The following CD68 variants were observed in gnomAD, a reference collection of about 807,000 sequenced individuals.
CD68 encodes macrosialin.
Under a neutral mutation model 31.3 loss-of-function variants are expected in CD68, and 24 were observed. That is an observed-to-expected ratio of 0.77 (90% CI 0.55 to 1.08). The LOEUF is 1.08. Among genes scored for constraint, CD68 ranks in the 50% least tolerant of loss-of-function variants. The pLI is 0.00. For missense variants in CD68, 461 were observed against 442.5 expected (o/e 1.04, Z -0.38); for synonymous variants, 190 against 179.6 (o/e 1.06, Z -0.46).
At position 7,579,899 on chromosome 17, in the gene CD68, G is replaced by A. The variant is rs745427495; in HGVS notation, c.139G>A (p.Gly47Arg). 3 of 1,613,910 alleles carry A rather than the reference G, an allele frequency of 1.9e-6. No homozygotes were observed. Among genetic ancestry groups the A allele is most frequent in the South Asian group, 2.2e-5 (2 of 91,056 alleles). The change falls in exon 2 of 6, where the codon GGA becomes AGA. Residue 47 changes from glycine to arginine, a missense_variant. Gly to Arg is a moderately radical substitution (Grantham distance 125). Coordinates refer to ENST00000250092, the MANE Select transcript of CD68 (RefSeq NM_001251.3). Reference sequence around the variant, plus strand: ...GACACCCACGGTTACAGAGAGCACTGGAACAACCAGCCACAGGACTACCAA... The same window carrying A: ...GACACCCACGGTTACAGAGAGCACTAGAACAACCAGCCACAGGACTACCAA... ...TVTPTVTESTGTTSHRTTKSH... is the reference protein window; with the variant it reads ...TVTPTVTESTRTTSHRTTKSH...
Position 7,580,128 on chromosome 17 carries a change from CA to C in CD68, c.370del (p.Thr124GlnfsTer73). The C allele has an allele frequency of 6.2e-7, 1 of 1,614,156 alleles. No individual in the cohort carries two copies. Among genetic ancestry groups the C allele is most frequent in the Non-Finnish European group, 8.5e-7 (1 of 1,180,026 alleles). ...TTSHGNATVHPTSNSTATSPG... is the reference protein window; with the variant it reads ...TTSHGNATVHXTSNSTATSPG... Reference sequence around the variant, plus strand: ...AGTCATGGAAATGCCACGGTTCATCCAACAAGCAACAGCACTGCCACCAGCC... The same window carrying C: ...AGTCATGGAAATGCCACGGTTCATCCACAAGCAACAGCACTGCCACCAGCC... On this transcript the variant is annotated frameshift_variant, in exon 2 of 6. Transcript: ENST00000250092. LOFTEE classifies it high-confidence loss of function. The surrounding 1 kb of genome is among the most constrained non-coding windows in gnomAD (Gnocchi z 4.3).
In CD68 at chr17:7,582,079, C is replaced by T; in HGVS notation, c.*568C>T. 2.6e-6 allele frequency: 1 copy of T among 381,972 alleles called. No homozygotes were observed. Among genetic ancestry groups the T allele is most frequent in the Non-Finnish European group, 3.4e-6 (1 of 297,890 alleles). The allele number at this position is 381,972 out of a possible 1,614,324, so 23.7% of individuals were successfully genotyped here. A position where few individuals can be genotyped will look rare whatever the true frequency, so the allele number is the denominator to read the frequency against. ...AATCTTTGACGGGGTTTTCCTTGTC[C>T]TGCCAGGATTAAAAGCCATGAGTTT... is the stretch of plus-strand genomic sequence containing the variant. On this transcript the variant is annotated 3_prime_UTR_variant, in exon 6 of 6. Transcript: ENST00000250092.
At position 7,580,907 on chromosome 17, in the gene CD68, T is replaced by A. The variant is rs1322513039; in HGVS notation, c.772T>A (p.Ser258Thr). Residue 258 changes from serine (S) to threonine (T), a missense_variant, in exon 5 of 6, where the codon TCG (serine) becomes ACG (threonine). Transcript: ENST00000250092. The surrounding 1 kb of genome is among the most constrained non-coding windows in gnomAD (Gnocchi z 4.3). ...SFPHAAQWTFSAQNASLRDLQ... is the reference protein window; with the variant it reads ...SFPHAAQWTFTAQNASLRDLQ... ...CCTCACTCCTCCAGAGTGGACATTCTCGGCTCAGAATGCATCCCTTCGAGA... is the reference window on the plus strand; with the variant it reads ...CCTCACTCCTCCAGAGTGGACATTCACGGCTCAGAATGCATCCCTTCGAGA... 1 of 1,613,952 alleles carries A rather than the reference T, an allele frequency of 6.2e-7. No individual in the cohort carries two copies. The highest frequency in any genetic ancestry group is 8.5e-7 in the Non-Finnish European group (1 of 1,179,964).
Position 7,580,095 on chromosome 17 carries a change from C to T in CD68, c.335C>T (p.Ala112Val). Reference sequence around the variant, plus strand: ...CCCTCAACTGCCACTCACAGTCCTGCCACCACTAGTCATGGAAATGCCACG... The same window carrying T: ...CCCTCAACTGCCACTCACAGTCCTGTCACCACTAGTCATGGAAATGCCACG... ...QGPSTATHSP[A>V]TTSHGNATVH... Residue 112 changes from alanine to valine, a missense_variant, in exon 2 of 6, where the codon GCC becomes GTC. Coordinates refer to ENST00000250092, the MANE Select transcript of CD68 (RefSeq NM_001251.3). This position sits in a 1 kb window ranked among gnomAD's most constrained non-coding sequence, Gnocchi z 4.3. 6.2e-7 allele frequency: 1 copy of T among 1,614,112 alleles called. No individual in the cohort carries two copies.
In CD68 at chr17:7,580,221, A is replaced by G; in HGVS notation, c.461A>G (p.Lys154Arg). The change falls in exon 2 of 6, where the codon AAG becomes AGG. Residue 154 changes from lysine (K) to arginine (R), a missense_variant. Coordinates refer to ENST00000250092, the MANE Select transcript of CD68 (RefSeq NM_001251.3). This position sits in a 1 kb window ranked among gnomAD's most constrained non-coding sequence, Gnocchi z 4.3. Reference protein sequence around the residue: ...PPSPSPSPTSKETIGDYTWTN... With the variant: ...PPSPSPSPTSRETIGDYTWTN... ...TCTCCGAGTCCTAGCCCAACCTCCA[A>G]GGAGACCATTGGAGACTACACGTGG... is the stretch of plus-strand genomic sequence containing the variant. The G allele has an allele frequency of 1.2e-6, 2 of 1,613,200 alleles. No individual in the cohort carries two copies. The highest frequency in any genetic ancestry group is 1.7e-6 in the Non-Finnish European group (2 of 1,179,664).
In CD68 at chr17:7,580,342, G is replaced by C; in HGVS notation, c.567+15G>C. 1 of 1,603,548 alleles carries C rather than the reference G, an allele frequency of 6.2e-7. No individual in the cohort carries two copies. The highest frequency in any genetic ancestry group is 1.3e-5 in the African/African-American group (1 of 74,858). ...GTGGAGGAGAGGTAAAGCTAAAACT[G>C]GGGGATGAGAGGGGAGGGAGGCAGG... On this transcript the variant is annotated intron_variant, in intron 2 of 5. Transcript: ENST00000250092. The surrounding 1 kb of genome is among the most constrained non-coding windows in gnomAD (Gnocchi z 4.3).
At chr17:7,581,089 C>G in intron 5 of CD68, 23 bp downstream of exon 5, 1 of 1,600,244 alleles carries the variant, frequency 6.2e-7, no homozygotes, top group Non-Finnish European at 8.5e-7. Context: ...TACTCCTTCC[C>G]TCCTAGAATC....
At position 7,580,759 on chromosome 17, in the gene CD68, A is replaced by G; in HGVS notation, c.736A>G (p.Asn246Asp). 6.2e-7 allele frequency: 1 copy of G among 1,613,978 alleles called. No individual in the cohort carries two copies. The highest frequency in any genetic ancestry group is 8.5e-7 in the Non-Finnish European group (1 of 1,179,992). The change falls in exon 4 of 6, where the codon AAT (asparagine) becomes GAT (aspartate). Residue 246 changes from asparagine (N) to aspartate (D), a missense_variant. By Grantham distance (23) the Asn-to-Asp change is conservative. Transcript: ENST00000250092. This position sits in a 1 kb window ranked among gnomAD's most constrained non-coding sequence, Gnocchi z 4.3. ...CCTGAGCTACATGGCGGTGGAGTAC[A>G]ATGTGTCCTTCCCCCACGCAGCACG... ...VYLSYMAVEY[N>D]VSFPHAAQWT...
rs780190801 is a variant in CD68 at position 7,579,718 on chromosome 17, T to A, written c.41T>A (p.Leu14Gln). ...CTTTTCTCGGGGGCCCTGCTGGGGC[T>A]ACTGGCAGGTAAGGAGGAAGGAGGC... ...AVLFSGALLG[L>Q]LAAQGTGNDC... The change falls in exon 1 of 6, where the codon CTA (leucine) becomes CAA (glutamine). Residue 14 changes from leucine to glutamine, a missense_variant. Leu to Gln is a moderately radical substitution (Grantham distance 113, BLOSUM62 -2). Coordinates refer to ENST00000250092, the MANE Select transcript of CD68 (RefSeq NM_001251.3). 1.1e-5 allele frequency: 17 copies of A among 1,603,888 alleles called. No individual in the cohort carries two copies. The highest frequency in any genetic ancestry group is 1.4e-5 in the Non-Finnish European group (16 of 1,175,908).
chr17:7,580,969 C>A lies in CD68; in HGVS notation c.834C>A (p.Ser278Arg). ...QAPLGQSFSC[S>R]NSSIILSPAV... ...CCCTGGGGCAGAGCTTCAGTTGCAG[C>A]AACTCGAGCATCATTCTTTCACCAG... The change falls in exon 5 of 6, where the codon AGC becomes AGA. Residue 278 changes from serine (S) to arginine (R), a missense_variant. Ser to Arg is a moderately radical substitution (Grantham distance 110). Coordinates refer to ENST00000250092, the MANE Select transcript of CD68 (RefSeq NM_001251.3). This position sits in a 1 kb window ranked among gnomAD's most constrained non-coding sequence, Gnocchi z 4.3. 6.2e-7 allele frequency: 1 copy of A among 1,614,070 alleles called. No individual in the cohort carries two copies. Among genetic ancestry groups the A allele is most frequent in the Non-Finnish European group, 8.5e-7 (1 of 1,179,978 alleles).
In CD68 at chr17:7,581,082, T is replaced by A; in HGVS notation, c.931+16T>A. On this transcript the variant is annotated intron_variant, in intron 5 of 5. Coordinates refer to ENST00000250092, the MANE Select transcript of CD68 (RefSeq NM_001251.3). ...TTTGGGCAAAGTAAGACCTACCTAC[T>A]CCTTCCCTCCTAGAATCCTCCCACT... 1 of 1,606,102 alleles carries A rather than the reference T, an allele frequency of 6.2e-7. No homozygotes were observed. The highest frequency in any genetic ancestry group is 8.5e-7 in the Non-Finnish European group (1 of 1,174,550).
chr17:7,580,822 A>T lies in CD68; in HGVS notation c.760+39A>T. ...TTCCCTTTCTCATTGCTACCACTAG[A>T]CGCCAGGGTTCCTGAAAGGACTAAG... On this transcript the variant is annotated intron_variant, in intron 4 of 5. Transcript: ENST00000250092. The surrounding 1 kb of genome is among the most constrained non-coding windows in gnomAD (Gnocchi z 4.3). The T allele has an allele frequency of 3.1e-6, 5 of 1,613,580 alleles. No homozygotes were observed. Among genetic ancestry groups the T allele is most frequent in the Non-Finnish European group, 4.2e-6 (5 of 1,179,664 alleles).
In CD68 at chr17:7,580,457, CT is replaced by C. The variant is rs1567737828; in HGVS notation, c.568-7del. ...AGTCTTGTGACCTTCCAGTCTTTAA[CT>C]TCCGCAGGCCTGGGGCATCTCTGTA... On this transcript the variant is annotated splice_region_variant and splice_polypyrimidine_tract_variant and intron_variant, in intron 2 of 5. Coordinates refer to ENST00000250092, the MANE Select transcript of CD68 (RefSeq NM_001251.3). This position sits in a 1 kb window ranked among gnomAD's most constrained non-coding sequence, Gnocchi z 4.3. 1 of 1,613,984 alleles carries C rather than the reference CT, an allele frequency of 6.2e-7. No individual in the cohort carries two copies. Among genetic ancestry groups the C allele is most frequent in the Middle Eastern group, 1.6e-4 (1 of 6,062 alleles).
chr17:7,581,582 A>C lies in CD68; in HGVS notation c.*71A>C. On this transcript the variant is annotated 3_prime_UTR_variant, in exon 6 of 6. Coordinates refer to ENST00000250092, the MANE Select transcript of CD68 (RefSeq NM_001251.3). ...GGGGGGGTACCCTTATTTCCTCGAC[A>C]CGCAACTGGCTCAAAGACAATGTTA... The C allele has an allele frequency of 6.8e-6, 10 of 1,479,604 alleles. No individual in the cohort carries two copies. Among genetic ancestry groups the C allele is most frequent in the Non-Finnish European group, 9.4e-6 (10 of 1,062,764 alleles). The allele number at this position is 1,479,604 out of a possible 1,614,324, so 91.7% of individuals were successfully genotyped here.
In CD68 at chr17:7,580,354, G is replaced by A. The variant is rs760128079; in HGVS notation, c.567+27G>A. On this transcript the variant is annotated intron_variant, in intron 2 of 5. Transcript: ENST00000250092. This position sits in a 1 kb window ranked among gnomAD's most constrained non-coding sequence, Gnocchi z 4.3. ...TAAAGCTAAAACTGGGGGATGAGAGGGGAGGGAGGCAGGACTGGATATAGG... is the reference window on the plus strand; with the variant it reads ...TAAAGCTAAAACTGGGGGATGAGAGAGGAGGGAGGCAGGACTGGATATAGG... 5 of 1,608,314 alleles carry A rather than the reference G, an allele frequency of 3.1e-6. No homozygotes were observed. The highest frequency in any genetic ancestry group is 1.1e-5 in the South Asian group (1 of 90,780).
In CD68 at chr17:7,579,888, C is replaced by T; in HGVS notation, c.128C>T (p.Thr43Ile). 1 of 1,614,076 alleles carries T rather than the reference C, an allele frequency of 6.2e-7. No individual in the cohort carries two copies. The highest frequency in any genetic ancestry group is 8.5e-7 in the Non-Finnish European group (1 of 1,180,006). Residue 43 changes from threonine to isoleucine, a missense_variant, in exon 2 of 6, where the codon ACA (threonine) becomes ATA (isoleucine). Physicochemically the swap from Thr to Ile is moderately conservative, Grantham distance 89 (BLOSUM62 -1). Transcript: ENST00000250092. ...LPSFTVTPTVTESTGTTSHRT... is the reference protein window; with the variant it reads ...LPSFTVTPTVIESTGTTSHRT... ...TCCTTCACGGTGACACCCACGGTTA[C>T]AGAGAGCACTGGAACAACCAGCCAC...
chr17:7,581,493 C>A lies in CD68; in HGVS notation c.1047C>A (p.Ser349=). Residue 349 remains serine, a synonymous_variant, in exon 6 of 6, where the codon TCC becomes TCA. Transcript: ENST00000250092. ...TCTGCATCATCCGGAGACGCCCATC[C>A]GCCTACCAGGCCCTCTGAGCATTTG... ...IAFCIIRRRP[S]AYQAL 6.2e-7 allele frequency: 1 copy of A among 1,614,192 alleles called. No individual in the cohort carries two copies. Among genetic ancestry groups the A allele is most frequent in the South Asian group, 1.1e-5 (1 of 91,092 alleles).
In CD68 at chr17:7,580,560, G is replaced by A. The variant is rs1377821160; in HGVS notation, c.662G>A (p.Gly221Glu). ...HPHLLLSFPY[G>E]HLSFGFMQDL... ...CACCTGCTTCTCTCATTCCCCTATG[G>A]ACACCTCAGCTTTGGATTCATGCAG... The change falls in exon 3 of 6, where the codon GGA (glycine) becomes GAA (glutamate). Residue 221 changes from glycine (G) to glutamate (E), a missense_variant. Coordinates refer to ENST00000250092, the MANE Select transcript of CD68 (RefSeq NM_001251.3). The surrounding 1 kb of genome is among the most constrained non-coding windows in gnomAD (Gnocchi z 4.3). 8 of 1,613,872 alleles carry A rather than the reference G, an allele frequency of 5.0e-6. No homozygotes were observed. Among genetic ancestry groups the A allele is most frequent in the Non-Finnish European group, 5.9e-6 (7 of 1,180,004 alleles).
At position 7,581,539 on chromosome 17, in the gene CD68, A is replaced by AG; in HGVS notation, c.*33dup. Reference sequence around the variant, plus strand: ...ATTTGCTTCAAACCCCAGGGCACTGAGGGGGTTGGGGTGTGGTGGGGGGGT... The same window carrying AG: ...ATTTGCTTCAAACCCCAGGGCACTGAGGGGGGTTGGGGTGTGGTGGGGGGGT... On this transcript the variant is annotated 3_prime_UTR_variant, in exon 6 of 6. Coordinates refer to ENST00000250092, the MANE Select transcript of CD68 (RefSeq NM_001251.3). The AG allele has an allele frequency of 7.1e-7, 1 of 1,401,496 alleles. No homozygotes were observed. The highest frequency in any genetic ancestry group is 9.9e-7 in the Non-Finnish European group (1 of 1,012,992). 86.8% of individuals were successfully genotyped at this position (1,401,496 alleles called of 1,614,324 possible).
Sources: gnomAD v4.1 joint callset for allele counts on GRCh38, gnomAD v4.1.1 for gene constraint, Gnocchi (gnomAD v3.1) non-coding constraint, MANE v1.5 for transcripts, NCBI Gene and HGNC (gene_info 2026-07-23, HGNC 2026-07-21) for gene names.